Variants in ANKRD50 observed in about 807,000 individuals in gnomAD.
ANKRD50 encodes ankyrin repeat domain 50.
In ANKRD50, 40 loss-of-function variants were observed where a neutral mutation model predicts 112.0. The ratio of observed to expected loss-of-function variants is 0.36; its 90% CI spans 0.28 to 0.46. ANKRD50 has a LOEUF of 0.46. Among genes scored for constraint, ANKRD50 ranks in the 20% least tolerant of loss-of-function variants. The pLI is 1.00. For missense variants in ANKRD50, 1,487 were observed against 1,701.7 expected (o/e 0.87, Z 2.22); for synonymous variants, 613 against 619.1 (o/e 0.99, Z 0.15).
chr4:124,711,111 C>T lies in ANKRD50; in HGVS notation c.-600G>A, dbSNP rs1320116624. On this transcript the variant is annotated 5_prime_UTR_variant, in exon 2 of 5. Transcript: ENST00000504087. ...TCTGGGCAACTGCCAGGAACTGTTT[C>T]AGATTATAGTCTCTTATGTGGCAGA... is the stretch of plus-strand genomic sequence containing the variant. 1 of 214,594 alleles carries T rather than the reference C, an allele frequency of 4.7e-6. No homozygotes were observed. The highest frequency in any genetic ancestry group is 9.1e-6 in the Non-Finnish European group (1 of 109,796). The allele number at this position is 214,594 out of a possible 1,614,324, so 13.3% of individuals were successfully genotyped here. A position where few individuals can be genotyped will look rare whatever the true frequency, so the allele number is the denominator to read the frequency against.
intron 2 of ANKRD50, among the ~76,000 whole-genome samples, chr4:124,686,002 T>A (rs1394716166): frequency 6.6e-6 from 1 of 152,192 alleles, no homozygotes; most frequent in African/African-American, 2.4e-5. Context: ...CACATAGTTA[T>A]CATTTTTGTG....
At chr4:124,700,963 C>T (rs921443356) in intron 2 of ANKRD50, among the ~76,000 whole-genome samples, 11 of 152,168 alleles carry the variant, frequency 7.2e-5, no homozygotes, top group Admixed American at 3.9e-4. Flanking sequence ...TAGAGAAATA[C>T]ACTTTTTTGT....
intron 2 of ANKRD50, among the ~76,000 whole-genome samples, chr4:124,686,717 A>C (rs1297816942): frequency 6.6e-6 from 1 of 152,110 alleles, no homozygotes; most frequent in African/African-American, 2.4e-5. Context: ...CTCTGCCCTC[A>C]CTGCTGAGAG....
intron 2 of ANKRD50, among the ~76,000 whole-genome samples, chr4:124,687,261 T>G (rs1725027188): frequency 1.3e-5 from 2 of 152,258 alleles, no homozygotes; most frequent in Admixed American, 6.5e-5. Flanking sequence ...GGTTTTTTGT[T>G]TTTTTGTTTT....
chr4:124,690,422 C>T (rs1411782321), intron 2 of ANKRD50, among the ~76,000 whole-genome samples: 1 of 152,140 alleles, frequency 6.6e-6, no homozygotes, highest in Non-Finnish European at 1.5e-5. Flanking sequence ...GGAGAGGGAG[C>T]AAATCTTCTG....
Position 124,671,133 on chromosome 4 carries a change from G to C in ANKRD50, c.2144C>G (p.Ser715Cys). Residue 715 changes from serine to cysteine, a missense_variant, in exon 4 of 5, where the codon TCT (serine) becomes TGT (cysteine). Around this residue, in one of 2 missense-constraint regions of ANKRD50, gnomAD observed 1,046 missense variants for 1,269.5 expected, o/e 0.82. Transcript: ENST00000504087. ...TGCAGGCACACAAAGTGCAGCTACA[G>C]AGAGTGCAGTCCTGCCATCAACATC... ...HEDVDGRTALSVAALCVPASK... is the reference protein window; with the variant it reads ...HEDVDGRTALCVAALCVPASK... 4 of 1,613,798 alleles carry C rather than the reference G, an allele frequency of 2.5e-6. No individual in the cohort carries two copies. Among genetic ancestry groups the C allele is most frequent in the Non-Finnish European group, 3.4e-6 (4 of 1,179,852 alleles).
At chr4:124,679,987 G>A (rs572012857) in intron 2 of ANKRD50, among the ~76,000 whole-genome samples, 1 of 152,168 alleles carries the variant, frequency 6.6e-6, no homozygotes, top group Admixed American at 6.5e-5. Flanking sequence ...ACAATTACAC[G>A]TGGGCCTTTT....
At chr4:124,705,993 G>A (rs554562095) in intron 2 of ANKRD50, among the ~76,000 whole-genome samples, 53 of 152,186 alleles carry the variant, frequency 3.5e-4, no homozygotes, top group Non-Finnish European at 6.5e-4. Context: ...AAAAAAGATA[G>A]CAATGTGTCT....
At chr4:124,690,193 A>T (rs1725103541) in intron 2 of ANKRD50, among the ~76,000 whole-genome samples, 1 of 152,236 alleles carries the variant, frequency 6.6e-6, no homozygotes, top group Non-Finnish European at 1.5e-5. Flanking sequence ...GGAATATGCC[A>T]AAATGTGGCA....
chr4:124,672,781 C>T (rs1257085939), intron 3 of ANKRD50, among the ~76,000 whole-genome samples: 1 of 151,916 alleles, frequency 6.6e-6, no homozygotes, highest in East Asian at 1.9e-4. Flanking sequence ...TAGCTTGGTG[C>T]CTCTCTCAAC....
chr4:124,679,235 G>C (rs1011406558), intron 2 of ANKRD50, among the ~76,000 whole-genome samples: 1 of 152,108 alleles, frequency 6.6e-6, no homozygotes, highest in Admixed American at 6.5e-5. Flanking sequence ...GATAAAAAGC[G>C]TGATTTCCTT....
Position 124,678,789 on chromosome 4 carries a change from A to G in ANKRD50, c.629T>C (p.Leu210Ser), listed in dbSNP as rs143484100. Residue 210 changes from leucine (L) to serine (S), a missense_variant, in exon 3 of 5, where the codon TTA becomes TCA. Coordinates refer to ENST00000504087, the MANE Select transcript of ANKRD50 (RefSeq NM_020337.3). ...TAAAAGTGCTGCAACAGTCCCAGAT[A>G]AGCTGGTAGACGTTTGTTCACCTTC... is the stretch of plus-strand genomic sequence containing the variant. ...ITEGEQTSTS[L>S]SGTVAALLAG... is the part of the protein sequence containing the mutation. The G allele has an allele frequency of 2.4e-5, 38 of 1,613,782 alleles. No homozygotes were observed. The highest frequency in any genetic ancestry group is 3.2e-5 in the Non-Finnish European group (38 of 1,179,834).
At chr4:124,688,455 T>C (rs1266625008) in intron 2 of ANKRD50, among the ~76,000 whole-genome samples, 1 of 152,192 alleles carries the variant, frequency 6.6e-6, no homozygotes, top group Non-Finnish European at 1.5e-5. Flanking sequence ...CATGACTCCA[T>C]GCATCTATCA....
At chr4:124,668,515 C>G (rs959337054) in intron 4 of ANKRD50, among the ~76,000 whole-genome samples, 1 of 152,002 alleles carries the variant, frequency 6.6e-6, no homozygotes, top group African/African-American at 2.4e-5. Flanking sequence ...CATCAAAATT[C>G]TTTTAAAAGG....
At position 124,670,331 on chromosome 4, in the gene ANKRD50, T is replaced by C. The variant is rs374693117; in HGVS notation, c.2946A>G (p.Ala982=). Residue 982 remains alanine (A), a synonymous_variant, in exon 4 of 5, where the codon GCA becomes GCG. Coordinates refer to ENST00000504087, the MANE Select transcript of ANKRD50 (RefSeq NM_020337.3). Reference sequence around the variant, plus strand: ...GGCCTTGCCAACAAGACACATGAAGTGCTGTCCTTCCTTCAGCATCACTTG... The same window carrying C: ...GGCCTTGCCAACAAGACACATGAAGCGCTGTCCTTCCTTCAGCATCACTTG... ...VEASDAEGRT[A]LHVSCWQGHM... 4 of 1,613,846 alleles carry C rather than the reference T, an allele frequency of 2.5e-6. No homozygotes were observed. The highest frequency in any genetic ancestry group is 2.5e-6 in the Non-Finnish European group (3 of 1,179,912).
chr4:124,710,185 G>A lies in ANKRD50; in HGVS notation c.327C>T (p.Ala109=). 6.8e-6 allele frequency: 11 copies of A among 1,614,108 alleles called. No homozygotes were observed. Among genetic ancestry groups the A allele is most frequent in the Non-Finnish European group, 9.3e-6 (11 of 1,180,028 alleles). The change falls in exon 2 of 5, where the codon GCC becomes GCT. Residue 109 remains alanine, a synonymous_variant. Transcript: ENST00000504087. The stretch of plus-strand genomic sequence containing the variant: ...AGTCCTGGGCTTTGCAGAAATGAAA[G>A]GCCAAAGCTTGGCGATGTAAACCTC... The part of the protein sequence containing the change: ...LQRGLHRQAL[A]FHFCKAQDSD...
At chr4:124,675,612 C>T (rs1306529523) in intron 3 of ANKRD50, among the ~76,000 whole-genome samples, 1 of 151,724 alleles carries the variant, frequency 6.6e-6, no homozygotes, top group Non-Finnish European at 1.5e-5. Context: ...TAATTAAGCA[C>T]TCTTATTAGT....
In ANKRD50 at chr4:124,671,756, G is replaced by C. The variant is rs755116972; in HGVS notation, c.1521C>G (p.Val507=). The stretch of plus-strand genomic sequence containing the variant: ...ATGATGTGCGATCGTCTTCACTGTT[G>C]ACATGAGCCCCAGCTTTAACCAACA... ...LQLLVKAGAH[V]NSEDDRTSCI... is the part of the protein sequence containing the mutation. The change falls in exon 4 of 5, where the codon GTC becomes GTG. Residue 507 remains valine (V), a synonymous_variant. Coordinates refer to ENST00000504087, the MANE Select transcript of ANKRD50 (RefSeq NM_020337.3). 1.9e-6 allele frequency: 3 copies of C among 1,613,852 alleles called. No homozygotes were observed. In the East Asian group the frequency reaches 6.7e-5, roughly 36 times the overall value.
chr4:124,685,169 C>T (rs1439562271), intron 2 of ANKRD50, among the ~76,000 whole-genome samples: 1 of 152,210 alleles, frequency 6.6e-6, no homozygotes, highest in Non-Finnish European at 1.5e-5. Flanking sequence ...CACACCTCCA[C>T]ATCTCCTTGC....
Sources: allele counts gnomAD v4.1 joint callset (sites outside exome capture counted in the v4.1 genomes callset), GRCh38; gene constraint gnomAD v4.1.1; regional missense constraint gnomAD v4.1.1; transcripts MANE v1.5; gene names NCBI Gene and HGNC (gene_info 2026-07-23, HGNC 2026-07-21).